The following GAS6 variants were observed in gnomAD, a reference collection of about 807,000 sequenced individuals.
The protein encoded by GAS6 is growth arrest-specific protein 6.
GAS6 carries 41 observed loss-of-function variants against 75.8 expected under a neutral mutation model. That is an observed-to-expected ratio of 0.54 (90% confidence interval 0.42 to 0.70). The LOEUF is 0.70. Ranked by LOEUF, GAS6 falls within the 30% of genes least tolerant of loss-of-function variation. The probability of loss-of-function intolerance (pLI) is 0.00; values close to 1 mark genes in which losing one functional copy is unlikely to be tolerated. For missense variants in GAS6, 854 were observed against 940.2 expected, an observed-to-expected ratio of 0.91 and a Z score of 1.20; for synonymous variants, 432 against 412.6, an observed-to-expected ratio of 1.05 and a Z score of -0.57.
At chr13:113,822,980 G>A (rs1160671408) in intron 13 of GAS6, 1 of 165,332 alleles carries the variant, frequency 6.0e-6, no homozygotes, top group Non-Finnish European at 1.3e-5. Context: ...AGACGCTGTT[G>A]GGGGACCGGC....
chr13:113,841,114 AG>A (rs1360763398), intron 4 of GAS6: 1 of 152,190 alleles, frequency 6.6e-6, no homozygotes, highest in East Asian at 1.9e-4. Flanking sequence ...TTTCCACCAG[AG>A]GGTCTGGGCT....
Position 113,863,728 on chromosome 13 carries a change from C to T in GAS6, c.102G>A (p.Pro34=), listed in dbSNP as rs755444428. 6.7e-7 allele frequency: 1 copy of T among 1,496,656 alleles called. No homozygotes were observed. Among genetic ancestry groups the T allele is most frequent in the Middle Eastern group, 1.8e-4 (1 of 5,524 alleles). The allele number at this position is 1,496,656 out of a possible 1,614,324, so 92.7% of individuals were successfully genotyped here. A position where few individuals can be genotyped will look rare whatever the true frequency, so the allele number is the denominator to read the frequency against. Residue 34 remains proline (P), a synonymous_variant, in exon 2 of 15, where the codon CCG becomes CCA. Transcript: ENST00000327773. The surrounding 1 kb of genome is among the most constrained non-coding windows in gnomAD (Gnocchi z 9.4). ...GCAGGAACTGCGTGGCCTCGCGCGC[C>T]GGCAACAGCGCGGCTGCCCGGAGGG... ...AAECALAALL[P]AREATQFLRP...
intron 2 of GAS6, among the ~76,000 whole-genome samples, chr13:113,858,806 T>C (rs983165690): frequency 4.0e-5 from 6 of 151,846 alleles, no homozygotes; most frequent in African/African-American, 1.5e-4. Context: ...TGTATGTATG[T>C]CTATGTGAAT....
chr13:113,828,269 AAAT>A (rs935286008), intron 11 of GAS6, among the ~76,000 whole-genome samples: 1 of 151,560 alleles, frequency 6.6e-6, no homozygotes, highest in Non-Finnish European at 1.5e-5. Context: ...GTCTCAAAAA[AAAT>A]AATAATAATT....
Position 113,839,727 on chromosome 13 carries a change from C to T in GAS6, c.466+1G>A. 2 of 1,613,744 alleles carry T rather than the reference C, an allele frequency of 1.2e-6. No homozygotes were observed. Among genetic ancestry groups the T allele is most frequent in the South Asian group, 1.1e-5 (1 of 91,072 alleles). ...CCGCCTTTGTCTTCAGCCTCACGTA[C>T]CTTTGTCGCAGAGCCGGCCCCCCCA... On this transcript the variant is annotated splice_donor_variant, in intron 5 of 14. Coordinates refer to ENST00000327773, the MANE Select transcript of GAS6 (RefSeq NM_000820.4). LOFTEE classifies it high-confidence loss of function.
intron 12 of GAS6, among the ~76,000 whole-genome samples, 154 bp from the exon 13 acceptor site, chr13:113,823,704 G>A (rs528731495): frequency 6.6e-6 from 1 of 152,312 alleles, no homozygotes; most frequent in East Asian, 1.9e-4. Context: ...CAACAGACTG[G>A]TTCAGATCTT....
At position 113,828,589 on chromosome 13, in the gene GAS6, G is replaced by A. The variant is rs374659031; in HGVS notation, c.1266C>T (p.Thr422=). The A allele has an allele frequency of 2.3e-4, 373 of 1,613,518 alleles. 2 individuals are homozygous for A. In the South Asian group the frequency reaches 3.8e-3, roughly 16 times the overall value. ...TCTCATGGAAGGGAATACCTCCCAC[G>A]GTCAGGTTCAGATGATACAGTCCTC... ...PERGLYHLNL[T]VGGIPFHEKD... The change falls in exon 11 of 15, where the codon ACC becomes ACT. Residue 422 remains threonine, a synonymous_variant. Transcript: ENST00000327773.
At position 113,821,282 on chromosome 13, in the gene GAS6, ATCT is replaced by A. The variant is rs775290813; in HGVS notation, c.1883-267_1883-265del. Reference sequence around the variant, plus strand: ...CAGACAGTCCCATCGGTTAAACGTGATCTTCTTCTGTGCCCAGTGAGTCATTCA... The same window carrying A: ...CAGACAGTCCCATCGGTTAAACGTGATCTTCTGTGCCCAGTGAGTCATTCA... On this transcript the variant is annotated intron_variant, in intron 14 of 14. Transcript: ENST00000327773. The A allele has an allele frequency of 2.3e-4, 121 of 519,626 alleles. No homozygotes were observed. In the East Asian group the frequency reaches 3.4e-3, roughly 15 times the overall value. The allele number at this position is 519,626 out of a possible 1,614,324, so 32.2% of individuals were successfully genotyped here. A position where few individuals can be genotyped will look rare whatever the true frequency, so the allele number is the denominator to read the frequency against.
rs1206742537 is a variant in GAS6 at position 113,845,627 on chromosome 13, T to C, written c.343+900A>G. 1 of 140,136 alleles carries C rather than the reference T, an allele frequency of 7.1e-6. No individual in the cohort carries two copies. Among genetic ancestry groups the C allele is most frequent in the Non-Finnish European group, 1.5e-5 (1 of 67,168 alleles). 8.7% of individuals were successfully genotyped at this position (140,136 alleles called of 1,614,324 possible). A position where few individuals can be genotyped will look rare whatever the true frequency, so the allele number is the denominator to read the frequency against. The stretch of plus-strand genomic sequence containing the variant: ...AAATTTTTGATAACTTTACTACCAA[T>C]GGCTAATGTGCAAACTCCTACAAAT... On this transcript the variant is annotated intron_variant, in intron 4 of 14. Transcript: ENST00000327773. The surrounding 1 kb of genome is among the most constrained non-coding windows in gnomAD (Gnocchi z 4.3).
chr13:113,843,108 C>G (rs143235270), intron 4 of GAS6: 2 of 356,524 alleles, frequency 5.6e-6, no homozygotes, highest in Non-Finnish European at 5.0e-6. Flanking sequence ...ACAGGGAAAG[C>G]GATGGAGACA....
At chr13:113,821,905 C>G in intron 14 of GAS6, 53 bp downstream of exon 14, 1 of 1,409,590 alleles carries the variant, frequency 7.1e-7, no homozygotes, top group Non-Finnish European at 9.5e-7. Context: ...GGTGACCAAG[C>G]TGGGCCTCCC....
At chr13:113,821,058 C>A in intron 14 of GAS6, 40 bp from the exon 15 acceptor site, 1 of 1,595,114 alleles carries the variant, frequency 6.3e-7, no homozygotes, top group Non-Finnish European at 8.6e-7. Context: ...TAGCTCACCA[C>A]GTGGCCGGCC....
rs141503833 is a variant in GAS6 at position 113,822,067 on chromosome 13, G to A, written c.1773C>T (p.Asp591=). 205 of 1,590,546 alleles carry A rather than the reference G, an allele frequency of 1.3e-4. No homozygotes were observed. The African/African-American group carries it at 1.7e-3, about 13-fold the overall frequency. ...TCACCTCGCTCTGGCCCCTGGTGCCGTCCACCTCCAGGGTGGCCTCACCGT... is the reference window on the plus strand; with the variant it reads ...TCACCTCGCTCTGGCCCCTGGTGCCATCCACCTCCAGGGTGGCCTCACCGT... ...LRDGEATLEV[D]GTRGQSEVSA... The change falls in exon 14 of 15, where the codon GAC becomes GAT. Residue 591 remains aspartate, a synonymous_variant. Transcript: ENST00000327773.
At chr13:113,831,625 C>G (rs1046285419) in intron 10 of GAS6, among the ~76,000 whole-genome samples, 1 of 152,220 alleles carries the variant, frequency 6.6e-6, no homozygotes, top group African/African-American at 2.4e-5. Context: ...TCAGGGAGAC[C>G]AAACTGACAG....
Position 113,864,043 on chromosome 13 carries a change from C to A in GAS6, c.-123G>T. On this transcript the variant is annotated 5_prime_UTR_variant, in exon 1 of 15. Coordinates refer to ENST00000327773, the MANE Select transcript of GAS6 (RefSeq NM_000820.4). ...GAAGGTCACATCGCGGCGGCGGCGG[C>A]GGCGGCGGCTGCGGCACCTCAAGCG... The A allele has an allele frequency of 1.0e-6, 1 of 971,736 alleles. No homozygotes were observed. Among genetic ancestry groups the A allele is most frequent in the Non-Finnish European group, 1.2e-6 (1 of 814,012 alleles). 60.2% of individuals were successfully genotyped at this position (971,736 alleles called of 1,614,324 possible). A position where few individuals can be genotyped will look rare whatever the true frequency, so the allele number is the denominator to read the frequency against.
In GAS6 at chr13:113,832,687, C is replaced by T; in HGVS notation, c.900G>A (p.Met300Ile). 6.2e-7 allele frequency: 1 copy of T among 1,612,786 alleles called. No individual in the cohort carries two copies. ...GTCGGATCACGGGGGTCCCACTGAA[C>T]ATCCGGCCCAGGTACAAGGACTTCA... ...KSVKSLYLGR[M>I]FSGTPVIRLR... Residue 300 changes from methionine (M) to isoleucine (I), a missense_variant, in exon 9 of 15, where the codon ATG becomes ATA. Coordinates refer to ENST00000327773, the MANE Select transcript of GAS6 (RefSeq NM_000820.4).
intron 3 of GAS6, chr13:113,847,043 G>A (rs749331039): frequency 1.6e-5 from 8 of 504,570 alleles, no homozygotes; most frequent in East Asian, 1.1e-4. Context: ...CAGACATCCC[G>A]CTAGGGCGGC....
intron 2 of GAS6, among the ~76,000 whole-genome samples, chr13:113,858,803 ATGTC>A (rs368346866): frequency 4.2e-4 from 62 of 148,098 alleles, no homozygotes; most frequent in Admixed American, 2.9e-3. Flanking sequence ...GACTGTATGT[ATGTC>A]TATGTGAATG....
intron 10 of GAS6, among the ~76,000 whole-genome samples, chr13:113,831,828 G>A (rs2051634239): frequency 1.7e-4 from 2 of 11,810 alleles, no homozygotes; most frequent in African/African-American, 4.2e-4. Flanking sequence ...AGGGGTCCCC[G>A]TCCCCCGGAG....
Sources: allele counts gnomAD v4.1 joint callset (sites outside exome capture counted in the v4.1 genomes callset), GRCh38; gene constraint gnomAD v4.1.1; non-coding constraint Gnocchi (gnomAD v3.1); transcripts MANE v1.5; gene names NCBI Gene and HGNC (gene_info 2026-07-23, HGNC 2026-07-21).